ANK3: variants seen among roughly 807,000 people sequenced by gnomAD.
ANK3 encodes ankyrin 3.
In ANK3, 57 loss-of-function variants were observed where a neutral mutation model predicts 370.9. That is an observed-to-expected ratio of 0.15 (90% CI 0.12 to 0.19). The LOEUF is 0.19. Ranked by LOEUF, ANK3 falls within the 10% of genes least tolerant of loss-of-function variation. The probability of loss-of-function intolerance (pLI) is 1.00; values close to 1 mark genes in which losing one functional copy is unlikely to be tolerated. For missense variants in ANK3, 4,439 were observed against 5,302.1 expected (o/e 0.84, Z 5.06); for synonymous variants, 1,929 against 1,946.3 (o/e 0.99, Z 0.23).
chr10:60,580,310 G>T (rs967885056), intron 2 of ANK3, among the ~76,000 whole-genome samples: 15 of 152,162 alleles, frequency 9.9e-5, no homozygotes, highest in Non-Finnish European at 1.8e-4. Context: ...ATGAATAAGT[G>T]ATTGGAGAGC....
chr10:60,034,685 A>ATCTT (rs1212193683), intron 43 of ANK3, among the ~76,000 whole-genome samples: 49 of 152,106 alleles, frequency 3.2e-4, no homozygotes, highest in Admixed American at 3.1e-3. Flanking sequence ...ACTCTTACTC[A>ATCTT]TCTTTAAGAC....
chr10:60,528,908 G>T (rs1595213601), intron 2 of ANK3, among the ~76,000 whole-genome samples: 1 of 152,028 alleles, frequency 6.6e-6, no homozygotes, highest in East Asian at 1.9e-4. Context: ...AAAATAGTTT[G>T]GGGACCACTG....
At chr10:60,229,045 C>T (rs951581149) in intron 8 of ANK3, among the ~76,000 whole-genome samples, 1 of 152,190 alleles carries the variant, frequency 6.6e-6, no homozygotes, top group Non-Finnish European at 1.5e-5. Context: ...ACAAAAGATG[C>T]TCCCTCCATG....
chr10:60,123,891 AG>A (rs2093624948), intron 25 of ANK3, among the ~76,000 whole-genome samples: 1 of 152,216 alleles, frequency 6.6e-6, no homozygotes, highest in South Asian at 2.1e-4. Context: ...GCCAAGGCAG[AG>A]GAAGTCATGT....
chr10:60,403,416 G>C (rs1010799632), intron 2 of ANK3, among the ~76,000 whole-genome samples: 13 of 152,140 alleles, frequency 8.5e-5, no homozygotes, highest in African/African-American at 2.9e-4. Context: ...ACCCCAGACT[G>C]ATCTCTCTCA....
intron 1 of ANK3, among the ~76,000 whole-genome samples, chr10:60,615,993 A>C (rs779174369): frequency 2.0e-5 from 3 of 152,190 alleles, no homozygotes; most frequent in Non-Finnish European, 4.4e-5. Flanking sequence ...AATACGTAGA[A>C]TGTAAAGAAA....
At chr10:60,044,213 A>C in intron 42 of ANK3, 1 of 984,220 alleles carries the variant, frequency 1.0e-6, no homozygotes, top group Non-Finnish European at 1.2e-6. Flanking sequence ...CAGAGTTTTT[A>C]ATGCAGAAAA....
At chr10:60,404,775 G>A (rs2063419761) in intron 2 of ANK3, among the ~76,000 whole-genome samples, 2 of 152,110 alleles carry the variant, frequency 1.3e-5, no homozygotes, top group African/African-American at 4.8e-5. Context: ...TTAAGAAAAT[G>A]AATAGGCCAC....
In ANK3 at chr10:60,070,487, T is replaced by C. The variant is rs369897458; in HGVS notation, c.10394A>G (p.Glu3465Gly). ...ADRSFSQSKL[E>G]VIEEEGKVGP... ...CACCTTTCCCTCCTCCTCGATAACTTCAAGTTTACTTTGGCTAAAAGAGCG... is the reference window on the plus strand; with the variant it reads ...CACCTTTCCCTCCTCCTCGATAACTCCAAGTTTACTTTGGCTAAAAGAGCG... The change falls in exon 37 of 44, where the codon GAA becomes GGA. Residue 3465 changes from glutamate (E) to glycine (G), a missense_variant. Physicochemically the swap from Glu to Gly is moderately conservative, Grantham distance 98 (BLOSUM62 -2). This residue lies in a region of ANK3 where 1,601 missense variants were observed against 1,731.7 expected (regional missense o/e 0.92). Transcript: ENST00000280772. This position sits in a 1 kb window ranked among gnomAD's most constrained non-coding sequence, Gnocchi z 5.7. The C allele has an allele frequency of 6.2e-7, 1 of 1,614,164 alleles. No individual in the cohort carries two copies. Among genetic ancestry groups the C allele is most frequent in the South Asian group, 1.1e-5 (1 of 91,084 alleles).
intron 7 of ANK3, among the ~76,000 whole-genome samples, chr10:60,248,152 A>G (rs1232702819): frequency 6.6e-6 from 1 of 152,112 alleles, no homozygotes; most frequent in Non-Finnish European, 1.5e-5. Flanking sequence ...ATGTACAAAT[A>G]CCTCTTGAGA....
intron 1 of ANK3, among the ~76,000 whole-genome samples, chr10:60,633,901 C>T (rs1244494047): frequency 1.3e-5 from 2 of 152,158 alleles, no homozygotes; most frequent in African/African-American, 2.4e-5. Context: ...AGAAATATTG[C>T]CAATGCTTCC....
intron 1 of ANK3, among the ~76,000 whole-genome samples, chr10:60,311,010 G>A (rs566707117): frequency 1.3e-5 from 2 of 152,284 alleles, no homozygotes; most frequent in East Asian, 3.9e-4. Flanking sequence ...GGCAAAGGAT[G>A]AAGGGGGATT....
At chr10:60,271,340 G>C (rs973400263) in intron 4 of ANK3, among the ~76,000 whole-genome samples, 3 of 151,782 alleles carry the variant, frequency 2.0e-5, no homozygotes, top group Non-Finnish European at 4.4e-5. Context: ...AAGTAGCTGG[G>C]GCTACAGGCA....
chr10:60,653,408 G>A (rs1293831613), intron 1 of ANK3, among the ~76,000 whole-genome samples: 1 of 151,762 alleles, frequency 6.6e-6, no homozygotes, highest in African/African-American at 2.4e-5. Flanking sequence ...TTTTTTAAAA[G>A]ACTTTTATTC....
At chr10:60,701,231 C>T (rs1397911277) in intron 1 of ANK3, among the ~76,000 whole-genome samples, 1 of 151,716 alleles carries the variant, frequency 6.6e-6, no homozygotes, top group Non-Finnish European at 1.5e-5. Flanking sequence ...AAAATGATGT[C>T]TGATGACATA....
At chr10:60,324,081 G>A (rs1329982937) in intron 1 of ANK3, among the ~76,000 whole-genome samples, 1 of 152,202 alleles carries the variant, frequency 6.6e-6, no homozygotes, top group Non-Finnish European at 1.5e-5. Context: ...GTAGTAACTA[G>A]AAGAAGACAG....
At chr10:60,395,819 A>G (rs2063226601) in intron 2 of ANK3, among the ~76,000 whole-genome samples, 1 of 152,110 alleles carries the variant, frequency 6.6e-6, no homozygotes, top group Non-Finnish European at 1.5e-5. Flanking sequence ...TCAAGTTTCC[A>G]TGGGCGAGAA....
chr10:60,316,644 G>A (rs926412340), intron 1 of ANK3, among the ~76,000 whole-genome samples: 2 of 152,172 alleles, frequency 1.3e-5, no homozygotes, highest in Admixed American at 6.5e-5. Context: ...GGAAGAGAAC[G>A]TGGTTTTATA....
chr10:60,116,937 C>T (rs985357231), intron 25 of ANK3, among the ~76,000 whole-genome samples: 2 of 152,074 alleles, frequency 1.3e-5, no homozygotes, highest in African/African-American at 4.8e-5. Flanking sequence ...TTTCAGAATT[C>T]GGAGACAAAG....
Sources: allele counts gnomAD v4.1 joint callset (sites outside exome capture counted in the v4.1 genomes callset), GRCh38; gene constraint gnomAD v4.1.1; regional missense constraint gnomAD v4.1.1; non-coding constraint Gnocchi (gnomAD v3.1); transcripts MANE v1.5; gene names NCBI Gene and HGNC (gene_info 2026-07-23, HGNC 2026-07-21).